FRAS1: variants seen among roughly 807,000 people sequenced by gnomAD.
The protein encoded by FRAS1 is Fraser extracellular matrix complex subunit 1, also known as extracellular matrix organizing protein FRAS1.
Under a neutral mutation model 435.2 loss-of-function variants are expected in FRAS1, and 290 were observed. The observed-to-expected ratio is 0.67, with a 90% CI of 0.61 to 0.73. FRAS1 has a LOEUF of 0.73. FRAS1 is among the 30% of genes least tolerant of loss of function. The probability of loss-of-function intolerance (pLI) is 0.00; values close to 1 mark genes in which losing one functional copy is unlikely to be tolerated. For missense variants in FRAS1, 4,860 were observed against 5,001.5 expected (o/e 0.97, Z 0.85); for synonymous variants, 1,800 against 1,851.0 (o/e 0.97, Z 0.71).
At chr4:78,314,096 T>TTTC (rs373034237) in intron 15 of FRAS1, among the ~76,000 whole-genome samples, 10 of 152,210 alleles carry the variant, frequency 6.6e-5, no homozygotes, top group Admixed American at 2.0e-4. Context: ...CTAGTTTTTT[T>TTTC]TTCTTCTTCT....
rs780568227 is a variant in FRAS1 at position 78,519,460 on chromosome 4, G to A, written c.10519G>A (p.Asp3507Asn). ...HTEMEFSFFY[D>N]TVLWRTGIQT... is the part of the protein sequence containing the mutation. ...CGAGATGGAGTTTTCTTTCTTCTAT[G>A]ACACTGTTCTCTGGAGAACAGGTAT... Residue 3507 changes from aspartate (D) to asparagine (N), a missense_variant, in exon 67 of 74, where the codon GAC (aspartate) becomes AAC (asparagine). By Grantham distance (23) the Asp-to-Asn change is conservative (BLOSUM62 1). Coordinates refer to ENST00000512123, the MANE Select transcript of FRAS1 (RefSeq NM_025074.7). The A allele has an allele frequency of 1.9e-6, 3 of 1,611,020 alleles. No individual in the cohort carries two copies. The highest frequency in any genetic ancestry group is 2.5e-6 in the Non-Finnish European group (3 of 1,178,720).
intron 20 of FRAS1, among the ~76,000 whole-genome samples, chr4:78,362,478 C>T (rs1294290821): frequency 6.6e-6 from 1 of 152,212 alleles, no homozygotes. Context: ...CCACTCCGGG[C>T]ATTGACACAA....
At chr4:78,087,138 A>C (rs1326816627) in intron 2 of FRAS1, among the ~76,000 whole-genome samples, 2 of 152,156 alleles carry the variant, frequency 1.3e-5, no homozygotes, top group Admixed American at 6.6e-5. Context: ...ATCAATGAAC[A>C]TAATCCAGCA....
chr4:78,097,501 C>T (rs1320580831), intron 2 of FRAS1, among the ~76,000 whole-genome samples: 1 of 152,190 alleles, frequency 6.6e-6, no homozygotes, highest in Non-Finnish European at 1.5e-5. Context: ...AGGTTTAAGA[C>T]ATTCACAGTT....
At chr4:78,271,774 T>C (rs540592799) in intron 9 of FRAS1, among the ~76,000 whole-genome samples, 1 of 152,330 alleles carries the variant, frequency 6.6e-6, no homozygotes, top group African/African-American at 2.4e-5. Context: ...GCAATAAACA[T>C]ACGTGTGCAT....
At chr4:78,432,834 G>T (rs1228377844) in intron 38 of FRAS1, among the ~76,000 whole-genome samples, 2 of 152,226 alleles carry the variant, frequency 1.3e-5, no homozygotes, top group Non-Finnish European at 2.9e-5. Flanking sequence ...ATGAGTATGT[G>T]TAGGGATGGG....
chr4:78,191,626 G>C (rs1272888645), intron 2 of FRAS1, among the ~76,000 whole-genome samples: 3 of 150,678 alleles, frequency 2.0e-5, no homozygotes, highest in African/African-American at 7.4e-5. Context: ...GTGCCATGTT[G>C]GTGTGCTGCA....
At chr4:78,274,840 C>T (rs1463862396) in intron 9 of FRAS1, among the ~76,000 whole-genome samples, 1 of 152,158 alleles carries the variant, frequency 6.6e-6, no homozygotes, top group Non-Finnish European at 1.5e-5. Flanking sequence ...CTGCTTGGTG[C>T]AGAGCTGAGT....
chr4:78,450,438 C>T (rs1718987681), intron 45 of FRAS1, 99 bp downstream of exon 45: 2 of 959,120 alleles, frequency 2.1e-6, no homozygotes, highest in East Asian at 2.4e-5. Context: ...ATAAACTGTG[C>T]ACTCTTTGTT....
intron 22 of FRAS1, among the ~76,000 whole-genome samples, chr4:78,366,129 A>T (rs1308766321): frequency 6.6e-6 from 1 of 152,244 alleles, no homozygotes; most frequent in Non-Finnish European, 1.5e-5. Flanking sequence ...TAAGGACTGG[A>T]GAGCTTTCCA....
At chr4:78,192,245 T>C (rs1172935132) in intron 2 of FRAS1, among the ~76,000 whole-genome samples, 3 of 152,152 alleles carry the variant, frequency 2.0e-5, no homozygotes, top group Non-Finnish European at 4.4e-5. Flanking sequence ...AAATTGTCTT[T>C]TTTGGTTGTG....
At position 78,496,839 on chromosome 4, in the gene FRAS1, C is replaced by A. The variant is rs755437827; in HGVS notation, c.8993C>A (p.Ser2998Tyr). 6.2e-7 allele frequency: 1 copy of A among 1,613,774 alleles called. No individual in the cohort carries two copies. The highest frequency in any genetic ancestry group is 1.3e-5 in the African/African-American group (1 of 75,018). Residue 2998 changes from serine to tyrosine, a missense_variant, in exon 60 of 74, where the codon TCC becomes TAC. Ser to Tyr is a moderately radical substitution (Grantham distance 144). Coordinates refer to ENST00000512123, the MANE Select transcript of FRAS1 (RefSeq NM_025074.7). ...KNCTVYIHDD[S>Y]MFEPEEQFRV... ...TGTACGGTCTATATCCACGATGACTCCATGTTTGAGCCAGAGGAACAGTTC... is the reference window on the plus strand; with the variant it reads ...TGTACGGTCTATATCCACGATGACTACATGTTTGAGCCAGAGGAACAGTTC...
In FRAS1 at chr4:78,513,541, G is replaced by A; in HGVS notation, c.10163G>A (p.Arg3388Lys). The change falls in exon 65 of 74, where the codon AGA becomes AAA. Residue 3388 changes from arginine to lysine, a missense_variant. Coordinates refer to ENST00000512123, the MANE Select transcript of FRAS1 (RefSeq NM_025074.7). ...CSNLVTTYDL[R>K]GISEAGFLDD... ...AATTTAGTTACCACCTATGACCTGA[G>A]AGGCATCTCAGGTGAGATTGACAAG... The A allele has an allele frequency of 6.2e-7, 1 of 1,613,568 alleles. No homozygotes were observed. Among genetic ancestry groups the A allele is most frequent in the Non-Finnish European group, 8.5e-7 (1 of 1,179,770 alleles).
chr4:78,268,837 G>A (rs1329756187), intron 9 of FRAS1, among the ~76,000 whole-genome samples: 3 of 152,350 alleles, frequency 2.0e-5, no homozygotes, highest in Non-Finnish European at 2.9e-5. Flanking sequence ...AGCTGCCAAA[G>A]TGGAGAGCAC....
rs1423066613 is a variant in FRAS1 at position 78,542,105 on chromosome 4, A to G, written c.*981A>G. The G allele has an allele frequency of 6.6e-6, 1 of 152,242 alleles. No individual in the cohort carries two copies. The highest frequency in any genetic ancestry group is 2.4e-5 in the African/African-American group (1 of 41,450). The allele number at this position is 152,242 out of a possible 1,614,324, so 9.4% of individuals were successfully genotyped here. A position where few individuals can be genotyped will look rare whatever the true frequency, so the allele number is the denominator to read the frequency against. On this transcript the variant is annotated 3_prime_UTR_variant, in exon 74 of 74. Transcript: ENST00000512123. Reference sequence around the variant, plus strand: ...AGTGCTTCGGGAAAGTAAGTGATTCATTTGAATAAGGCAAATTAGGAGAAA... The same window carrying G: ...AGTGCTTCGGGAAAGTAAGTGATTCGTTTGAATAAGGCAAATTAGGAGAAA...
At chr4:78,335,767 A>C (rs189740091) in intron 19 of FRAS1, among the ~76,000 whole-genome samples, 28 of 152,308 alleles carry the variant, frequency 1.8e-4, no homozygotes. Flanking sequence ...ATGTCAGTCC[A>C]GTATGTTTTT....
intron 7 of FRAS1, among the ~76,000 whole-genome samples, chr4:78,266,406 C>T (rs753282726): frequency 8.5e-5 from 13 of 152,178 alleles, no homozygotes; most frequent in Non-Finnish European, 1.6e-4. Flanking sequence ...GCAAATTTCC[C>T]GTGAGGTCCC....
chr4:78,116,357 A>C (rs1219317303), intron 2 of FRAS1, among the ~76,000 whole-genome samples: 2 of 152,180 alleles, frequency 1.3e-5, no homozygotes, highest in African/African-American at 4.8e-5. Flanking sequence ...GCCTTGGTGC[A>C]GAGCTGAGTT....
At chr4:78,509,390 G>A (rs1323893533) in intron 63 of FRAS1, among the ~76,000 whole-genome samples, 2 of 152,186 alleles carry the variant, frequency 1.3e-5, no homozygotes, top group African/African-American at 4.8e-5. Context: ...AGGCGCTGTT[G>A]ATTACTATTA....
Sources: allele counts gnomAD v4.1 joint callset (sites outside exome capture counted in the v4.1 genomes callset), GRCh38; gene constraint gnomAD v4.1.1; transcripts MANE v1.5; gene names NCBI Gene and HGNC (gene_info 2026-07-23, HGNC 2026-07-21).